The following HECW2 variants were observed in gnomAD, a reference collection of about 807,000 sequenced individuals.
HECW2 encodes HECT, C2 and WW domain containing E3 ubiquitin protein ligase 2, also known as E3 ubiquitin-protein ligase HECW2.
HECW2 carries 61 observed loss-of-function variants against 175.2 expected under a neutral mutation model. The ratio of observed to expected loss-of-function variants is 0.35; its 90% CI spans 0.28 to 0.43. The LOEUF (loss-of-function observed/expected upper bound fraction) is 0.43. Ranked by LOEUF, HECW2 falls within the 20% of genes least tolerant of loss-of-function variation. The probability of loss-of-function intolerance (pLI) is 1.00; values close to 1 mark genes in which losing one functional copy is unlikely to be tolerated. For missense variants in HECW2, 1,524 were observed against 2,000.5 expected (o/e 0.76, Z 4.54); for synonymous variants, 671 against 731.0 (o/e 0.92, Z 1.32).
intron 17 of HECW2, among the ~76,000 whole-genome samples, chr2:196,265,794 G>A (rs780168780): frequency 6.6e-6 from 1 of 152,072 alleles, no homozygotes; most frequent in Non-Finnish European, 1.5e-5. Flanking sequence ...TAGAAATTCC[G>A]ATCCCCATTT....
intron 2 of HECW2, among the ~76,000 whole-genome samples, chr2:196,429,636 C>T (rs1316945270): frequency 1.3e-5 from 2 of 152,190 alleles, no homozygotes; most frequent in African/African-American, 2.4e-5. Context: ...TGGTATTAGA[C>T]TATAATCTCA....
Position 196,319,079 on chromosome 2 carries a change from C to A in HECW2, c.1811G>T (p.Gly604Val), listed in dbSNP as rs1691828906. ...AGAGGACACCTGGGAAGGCTCAGAG[C>A]CCTGATCGAGAGACTCGGTCTCACT... ...AVSETESLDQGSEPSQVSSET... is the reference protein window; with the variant it reads ...AVSETESLDQVSEPSQVSSET... Residue 604 changes from glycine (G) to valine (V), a missense_variant, in exon 9 of 29, where the codon GGC (glycine) becomes GTC (valine). This residue lies in a region of HECW2 where 604 missense variants were observed against 588.3 expected (regional missense o/e 1.03). Transcript: ENST00000644978. The A allele has an allele frequency of 1.2e-6, 2 of 1,607,446 alleles. No individual in the cohort carries two copies. The highest frequency in any genetic ancestry group is 2.7e-5 in the African/African-American group (2 of 74,712).
At chr2:196,462,148 A>G (rs1165708794) in intron 1 of HECW2, among the ~76,000 whole-genome samples, 1 of 152,150 alleles carries the variant, frequency 6.6e-6, no homozygotes, top group Non-Finnish European at 1.5e-5. Context: ...AAAGGCAAAA[A>G]TTTTATAAAG....
intron 1 of HECW2, among the ~76,000 whole-genome samples, chr2:196,478,691 C>A (rs760151393): frequency 5.3e-5 from 8 of 152,028 alleles, no homozygotes; most frequent in Non-Finnish European, 8.8e-5. Context: ...GCAGAAGAAG[C>A]AATCCAGCCC....
chr2:196,578,730 A>G (rs1690652980), intron 1 of HECW2, among the ~76,000 whole-genome samples: 2 of 152,198 alleles, frequency 1.3e-5, no homozygotes, highest in Non-Finnish European at 2.9e-5. Context: ...CAAAAGGTCA[A>G]CCAAGACTTC....
chr2:196,541,409 A>G (rs1689208247), intron 1 of HECW2, among the ~76,000 whole-genome samples: 1 of 152,294 alleles, frequency 6.6e-6, no homozygotes, highest in South Asian at 2.1e-4. Flanking sequence ...AAGGCGGGTA[A>G]CTAAAAATAC....
At chr2:196,344,777 T>G (rs1412690227) in intron 2 of HECW2, among the ~76,000 whole-genome samples, 1 of 152,130 alleles carries the variant, frequency 6.6e-6, no homozygotes, top group East Asian at 1.9e-4. Context: ...AGGATTAAGG[T>G]TGCACTTTAA....
chr2:196,300,126 G>T (rs1405775590), intron 13 of HECW2, among the ~76,000 whole-genome samples: 1 of 152,070 alleles, frequency 6.6e-6, no homozygotes, highest in East Asian at 1.9e-4. Flanking sequence ...CAGAAATCAG[G>T]AAATGCAATA....
chr2:196,257,868 C>T lies in HECW2; in HGVS notation c.3374G>A (p.Gly1125Glu), dbSNP rs1689125607. The change falls in exon 18 of 29, where the codon GGA (glycine) becomes GAA (glutamate). Residue 1125 changes from glycine (G) to glutamate (E), a missense_variant. Gly to Glu is a moderately conservative substitution (Grantham distance 98). Around this residue, in one of 11 missense-constraint regions of HECW2, gnomAD observed 291 missense variants for 412.2 expected, o/e 0.71. Coordinates refer to ENST00000644978, the MANE Select transcript of HECW2 (RefSeq NM_001348768.2). ...TGCATCGCTTGAAAGGCGCACCAAT[C>T]CTGGAGTCCCTTCAGTTCGGATAAA... ...IQFIRTEGTPGLVRLSSDADL... is the reference protein window; with the variant it reads ...IQFIRTEGTPELVRLSSDADL... 1 of 1,614,086 alleles carries T rather than the reference C, an allele frequency of 6.2e-7. No homozygotes were observed. The highest frequency in any genetic ancestry group is 8.5e-7 in the Non-Finnish European group (1 of 1,179,956).
chr2:196,303,333 A>G (rs1291444672), intron 13 of HECW2, among the ~76,000 whole-genome samples: 1 of 152,186 alleles, frequency 6.6e-6, no homozygotes, highest in East Asian at 1.9e-4. Flanking sequence ...GAATTTTTGC[A>G]TCAATGCTCA....
At chr2:196,271,155 C>A in intron 17 of HECW2, 38 bp downstream of exon 17, 1 of 1,183,128 alleles carries the variant, frequency 8.5e-7, no homozygotes. Flanking sequence ...ATGGTTTGTG[C>A]TTATGCAACT....
rs528126746 is a variant in HECW2, at chr2:196,311,779, A to G, written c.2435-3694T>C. ...GCCACTGCACTCCAGCCTGGGTAAC[A>G]GAGTTGGATTCCATCTCAAAACAAC... On this transcript the variant is annotated intron_variant, in intron 10 of 28. Transcript: ENST00000644978. Among the ~76,000 whole-genome samples the G allele has an allele frequency of 3.9e-5, 6 of 152,340 alleles. 1 individual carries two copies. The highest frequency in any genetic ancestry group is 1.4e-4 in the African/African-American group (6 of 41,580).
intron 1 of HECW2, among the ~76,000 whole-genome samples, chr2:196,544,454 G>A (rs1482972926): frequency 6.6e-6 from 1 of 152,192 alleles, no homozygotes; most frequent in Non-Finnish European, 1.5e-5. Context: ...CCCTTTCACA[G>A]CGTACACCTG....
chr2:196,281,635 C>A (rs1393980562), intron 14 of HECW2, among the ~76,000 whole-genome samples: 2 of 114,872 alleles, frequency 1.7e-5, no homozygotes, highest in African/African-American at 7.4e-5. Context: ...CAGAGTGAGA[C>A]CCCGTCTCAA....
At chr2:196,332,527 G>T (rs1184681588) in intron 4 of HECW2, among the ~76,000 whole-genome samples, 1 of 152,158 alleles carries the variant, frequency 6.6e-6, no homozygotes, top group Non-Finnish European at 1.5e-5. Flanking sequence ...TCTGAAACCT[G>T]TTTGAAGCAA....
At chr2:196,307,828 A>G in intron 11 of HECW2, 107 bp downstream of exon 11, 1 of 1,082,646 alleles carries the variant, frequency 9.2e-7, no homozygotes, top group East Asian at 2.6e-5. Flanking sequence ...CACTTTAACG[A>G]CAGGACACAC....
intron 19 of HECW2, among the ~76,000 whole-genome samples, chr2:196,245,769 T>C (rs1688622247): frequency 6.6e-6 from 1 of 152,210 alleles, no homozygotes; most frequent in Non-Finnish European, 1.5e-5. Flanking sequence ...AGCTGAGTTA[T>C]GTCATAAAGC....
chr2:196,526,558 G>T (rs929387704), intron 1 of HECW2, among the ~76,000 whole-genome samples: 1 of 151,336 alleles, frequency 6.6e-6, no homozygotes, highest in African/African-American at 2.5e-5. Flanking sequence ...GGCGCTCTGC[G>T]TTTTAGAGTT....
intron 2 of HECW2, among the ~76,000 whole-genome samples, chr2:196,410,881 T>C (rs1419689558): frequency 6.6e-6 from 1 of 151,926 alleles, no homozygotes; most frequent in Non-Finnish European, 1.5e-5. Flanking sequence ...TCCACAAACG[T>C]AACAACATAG....
Sources: allele counts gnomAD v4.1 joint callset (sites outside exome capture counted in the v4.1 genomes callset), GRCh38; gene constraint gnomAD v4.1.1; regional missense constraint gnomAD v4.1.1; transcripts MANE v1.5; gene names NCBI Gene and HGNC (gene_info 2026-07-23, HGNC 2026-07-21).